Variants in RIMS2 observed in about 807,000 individuals in gnomAD.
RIMS2 encodes regulating synaptic membrane exocytosis 2.
Under a neutral mutation model 174.4 loss-of-function variants are expected in RIMS2, and 59 were observed. The observed-to-expected ratio is 0.34, with a 90% confidence interval of 0.27 to 0.42. RIMS2 has a LOEUF of 0.42. Among genes scored for constraint, RIMS2 ranks in the 10% least tolerant of loss-of-function variants. The pLI is 1.00. For synonymous variants in RIMS2, 606 were observed against 572.5 expected (o/e 1.06, Z -0.84); for missense variants, 1,620 against 1,666.3 (o/e 0.97, Z 0.48).
At chr8:103,960,262 C>CTGG (rs1230487458) in intron 14 of RIMS2, among the ~76,000 whole-genome samples, 1 of 152,094 alleles carries the variant, frequency 6.6e-6, no homozygotes, top group Non-Finnish European at 1.5e-5. Context: ...CCTCAAAGCT[C>CTGG]TGGTTGATTC....
chr8:103,670,715 A>G (rs1426784504), intron 1 of RIMS2, among the ~76,000 whole-genome samples: 2 of 152,232 alleles, frequency 1.3e-5, no homozygotes, highest in Non-Finnish European at 2.9e-5. Flanking sequence ...CAAGTTACTT[A>G]TCTCCATCTG....
intron 1 of RIMS2, among the ~76,000 whole-genome samples, chr8:103,570,610 T>G (rs937511202): frequency 4.6e-5 from 7 of 152,188 alleles, no homozygotes; most frequent in African/African-American, 4.8e-5. Flanking sequence ...TGTGTTTTAT[T>G]TCTTGGTAGC....
intron 1 of RIMS2, among the ~76,000 whole-genome samples, chr8:103,689,490 C>T (rs964977258): frequency 1.3e-5 from 2 of 152,108 alleles, no homozygotes; most frequent in African/African-American, 4.8e-5. Flanking sequence ...TTAGGTCTAT[C>T]TCTCTCTTTA....
At chr8:104,061,349 C>T (rs575455625) in intron 19 of RIMS2, among the ~76,000 whole-genome samples, 40 of 152,070 alleles carry the variant, frequency 2.6e-4, no homozygotes, top group African/African-American at 9.2e-4. Context: ...CTCTTTTGAT[C>T]TTTGTTGGTT....
At chr8:103,941,407 AC>A (rs2082496230) in intron 13 of RIMS2, among the ~76,000 whole-genome samples, 1 of 152,082 alleles carries the variant, frequency 6.6e-6, no homozygotes, top group Admixed American at 6.6e-5. Flanking sequence ...GAATTGCTTT[AC>A]CCTAGGAGTT....
At chr8:104,145,276 T>C (rs2098625475) in intron 19 of RIMS2, among the ~76,000 whole-genome samples, 1 of 152,122 alleles carries the variant, frequency 6.6e-6, no homozygotes, top group Non-Finnish European at 1.5e-5. Context: ...TTTTGACATA[T>C]ATTGCCAAGT....
At chr8:104,193,583 T>C (rs1223010797) in intron 19 of RIMS2, among the ~76,000 whole-genome samples, 1 of 152,216 alleles carries the variant, frequency 6.6e-6, no homozygotes, top group East Asian at 1.9e-4. Flanking sequence ...TGCATCAGGA[T>C]CCCTGTATCA....
At chr8:103,698,435 T>C (rs1164204682) in intron 2 of RIMS2, among the ~76,000 whole-genome samples, 1 of 152,278 alleles carries the variant, frequency 6.6e-6, no homozygotes. Flanking sequence ...GTTTGGTTGG[T>C]TTTTTAAGAT....
chr8:103,896,608 T>G (rs1487947900), intron 4 of RIMS2, among the ~76,000 whole-genome samples: 1 of 151,538 alleles, frequency 6.6e-6, no homozygotes, highest in Non-Finnish European at 1.5e-5. Flanking sequence ...ATTTTGTGAG[T>G]TTGGAATTCA....
intron 1 of RIMS2, among the ~76,000 whole-genome samples, chr8:103,682,123 G>C (rs1357153853): frequency 6.6e-6 from 1 of 152,054 alleles, no homozygotes. Context: ...GAGTTTTCTT[G>C]AATTTGAGGT....
chr8:103,975,629 T>C (rs867024331), intron 16 of RIMS2, 123 bp downstream of exon 18: 1 of 647,402 alleles, frequency 1.5e-6, no homozygotes, highest in Middle Eastern at 3.8e-4. Context: ...TTGGCTCATA[T>C]GATTATAAGA....
In RIMS2 at chr8:103,757,006, TGTGTGAGA is replaced by T. The variant is rs1298374873; in HGVS notation, c.388-9219_388-9212del. Among the ~76,000 whole-genome samples, 439 of 128,894 alleles carry T rather than the reference TGTGTGAGA, an allele frequency of 3.4e-3. 3 individuals are homozygous for T. The highest frequency in any genetic ancestry group is 0.012 in the African/African-American group (405 of 34,526). 84.6% of individuals were successfully genotyped at this position (128,894 alleles called of 152,430 possible). A position where few individuals can be genotyped will look rare whatever the true frequency, so the allele number is the denominator to read the frequency against. ...GTGTGTGTGTGTGTGTGTGTGTGTG[TGTGTGAGA>T]GAGAGAGAGAGAGAGAGAGAGAGAT... is the stretch of plus-strand genomic sequence containing the variant. On this transcript the variant is annotated intron_variant, in intron 2 of 23. Coordinates refer to ENST00000504942, the Ensembl canonical transcript of RIMS2.
chr8:103,652,414 C>T (rs1398522014), intron 1 of RIMS2, among the ~76,000 whole-genome samples, 177 bp downstream of exon 2: 1 of 152,142 alleles, frequency 6.6e-6, no homozygotes, highest in East Asian at 1.9e-4. Flanking sequence ...CACATAGTGA[C>T]TGGATGTAGT....
intron 16 of RIMS2, chr8:103,975,783 C>T: frequency 4.2e-6 from 1 of 239,138 alleles, no homozygotes; most frequent in East Asian, 8.5e-5. Context: ...GCCTGAGAGC[C>T]ACCAGCAAGC....
intron 11 of RIMS2, among the ~76,000 whole-genome samples, chr8:103,928,752 T>C (rs1166227665): frequency 6.6e-6 from 1 of 151,336 alleles, no homozygotes; most frequent in African/African-American, 2.4e-5. Context: ...AGTTACATGC[T>C]AAAGCCAGAA....
chr8:103,740,487 T>TGGG (rs1469008392), intron 2 of RIMS2, among the ~76,000 whole-genome samples: 1 of 152,130 alleles, frequency 6.6e-6, no homozygotes, highest in Non-Finnish European at 1.5e-5. Flanking sequence ...CAATGGAAGA[T>TGGG]GGTTATAGAT....
chr8:103,571,456 A>G (rs2092799839), intron 1 of RIMS2, among the ~76,000 whole-genome samples: 1 of 152,220 alleles, frequency 6.6e-6, no homozygotes, highest in Non-Finnish European at 1.5e-5. Flanking sequence ...TATAGAATAA[A>G]GCTGCTTTCC....
chr8:104,231,828 GTTTAAA>G (rs1039527214), intron 19 of RIMS2, among the ~76,000 whole-genome samples: 2 of 152,078 alleles, frequency 1.3e-5, no homozygotes, highest in African/African-American at 4.8e-5. Flanking sequence ...ACATGTGACT[GTTTAAA>G]TTTAAATAAA....
intron 15 of RIMS2, 146 bp from the exon 18 acceptor site, chr8:103,975,204 A>C (rs1003701420): frequency 8.5e-6 from 4 of 471,484 alleles, no homozygotes; most frequent in African/African-American, 4.0e-5. Flanking sequence ...TTTTGTCTTA[A>C]TATCATGGTT....
Sources: gnomAD v4.1 joint callset for allele counts (sites outside exome capture counted in the v4.1 genomes callset) on GRCh38, gnomAD v4.1.1 for gene constraint, MANE v1.5 for transcripts, NCBI Gene and HGNC (gene_info 2026-07-23, HGNC 2026-07-21) for gene names.